TNXB: variants seen among roughly 807,000 people sequenced by gnomAD.
TNXB encodes the protein tenascin-X.
In TNXB, 183 loss-of-function variants were observed where a neutral mutation model predicts 340.5. The observed-to-expected ratio is 0.54, with a 90% CI of 0.48 to 0.61. TNXB has a LOEUF of 0.61. Ranked by LOEUF, TNXB falls within the 20% of genes least tolerant of loss-of-function variation. The pLI is 0.00. For synonymous variants in TNXB, 2,121 were observed against 2,314.5 expected, an observed-to-expected ratio of 0.92 and a Z score of 2.40; for missense variants, 4,613 against 5,446.4, an observed-to-expected ratio of 0.85 and a Z score of 4.82.
chr6:32,068,387 C>G lies in TNXB; in HGVS notation c.6220+3G>C. 1.9e-6 allele frequency: 3 copies of G among 1,612,932 alleles called. No individual in the cohort carries two copies. The highest frequency in any genetic ancestry group is 1.7e-6 in the Non-Finnish European group (2 of 1,179,188). On this transcript the variant is annotated splice_donor_region_variant and intron_variant, in intron 17 of 43. Transcript: ENST00000644971. This position sits in a 1 kb window ranked among gnomAD's most constrained non-coding sequence, Gnocchi z 5.3. Reference sequence around the variant, plus strand: ...CACCCTGGGGCTCCCATCATCCACTCACCTGTCACCCCGACGACAGACACA... The same window carrying G: ...CACCCTGGGGCTCCCATCATCCACTGACCTGTCACCCCGACGACAGACACA...
rs1437148717 is a variant in TNXB, at chr6:32,072,665, T to C, written c.4682-367A>G. On this transcript the variant is annotated intron_variant, in intron 12 of 43. Coordinates refer to ENST00000644971, the MANE Select transcript of TNXB (RefSeq NM_001365276.2). The surrounding 1 kb of genome is among the most constrained non-coding windows in gnomAD (Gnocchi z 4.4). ...GTCCAAGTATTACTAAATCGTAACTTTGGATTTTTAAGAAATATTTTGGGC... is the reference window on the plus strand; with the variant it reads ...GTCCAAGTATTACTAAATCGTAACTCTGGATTTTTAAGAAATATTTTGGGC... Among the ~76,000 whole-genome samples, 1 of 152,258 alleles carries C rather than the reference T, an allele frequency of 6.6e-6. No individual in the cohort carries two copies. The highest frequency in any genetic ancestry group is 1.9e-4 in the East Asian group (1 of 5,204).
At chr6:32,077,610 T>A (rs1299841971) in intron 11 of TNXB, among the ~76,000 whole-genome samples, 1 of 152,218 alleles carries the variant, frequency 6.6e-6, no homozygotes, top group African/African-American at 2.4e-5. Flanking sequence ...GCTGAGGCCC[T>A]GGAGAGGAGG....
chr6:32,068,485 A>G lies in TNXB; in HGVS notation c.6125T>C (p.Ile2042Thr), dbSNP rs1050442635. The G allele has an allele frequency of 6.2e-7, 1 of 1,613,874 alleles. No individual in the cohort carries two copies. Among genetic ancestry groups the G allele is most frequent in the Non-Finnish European group, 8.5e-7 (1 of 1,179,898 alleles). Reference protein sequence around the residue: ...RVPGHEEGVTISGLEPDHKYK... With the variant: ...RVPGHEEGVTTSGLEPDHKYK... ...TTTATGGTCTGGCTCCAGGCCCGAG[A>G]TGGTGACCCCTTCCTCGTGCCCTGG... The change falls in exon 17 of 44, where the codon ATC becomes ACC. Residue 2042 changes from isoleucine to threonine, a missense_variant. Coordinates refer to ENST00000644971, the MANE Select transcript of TNXB (RefSeq NM_001365276.2). This position sits in a 1 kb window ranked among gnomAD's most constrained non-coding sequence, Gnocchi z 5.3.
In TNXB at chr6:32,068,976, T is replaced by C. The variant is rs1411559201; in HGVS notation, c.5748A>G (p.Thr1916=). 5.6e-6 allele frequency: 9 copies of C among 1,612,812 alleles called. No homozygotes were observed. Among genetic ancestry groups the C allele is most frequent in the Middle Eastern group, 1.6e-4 (1 of 6,084 alleles). Residue 1916 remains threonine (T), a synonymous_variant, in exon 16 of 44, where the codon ACA becomes ACG. Coordinates refer to ENST00000644971, the MANE Select transcript of TNXB (RefSeq NM_001365276.2). The surrounding 1 kb of genome is among the most constrained non-coding windows in gnomAD (Gnocchi z 5.3). ...GEFDSFEIQY[T]DRDGQLQMVR... ...CCATTTGGAGTTGCCCGTCTCTATC[T>C]GTGTACTGGATTTCGAAGGAGTCAA...
chr6:32,104,318 A>C lies in TNXB; in HGVS notation c.-9+4863T>G, dbSNP rs1241115470. 2.6e-5 allele frequency among the ~76,000 whole-genome samples: 4 copies of C among 152,164 alleles called. No individual in the cohort carries two copies. In the East Asian group the frequency reaches 5.8e-4, roughly 22 times the overall value. Reference sequence around the variant, plus strand: ...AGTCATCTTCCTCTCGCTCCACAGCAATATATCCACCTGCCTACTTGGCAT... The same window carrying C: ...AGTCATCTTCCTCTCGCTCCACAGCCATATATCCACCTGCCTACTTGGCAT... On this transcript the variant is annotated intron_variant, in intron 1 of 43. Transcript: ENST00000644971.
chr6:32,077,392 G>A (rs557249525), intron 11 of TNXB, among the ~76,000 whole-genome samples: 17 of 152,368 alleles, frequency 1.1e-4, no homozygotes, highest in African/African-American at 2.9e-4. Context: ...GCTGAGCTTG[G>A]TGGAATTACA....
At position 32,056,737 on chromosome 6, in the gene TNXB, A is replaced by G. The variant is rs1242428292; in HGVS notation, c.7992T>C (p.Asn2664=). The part of the protein sequence containing the change: ...QFDHFLVQYR[N]GDGQPKAVRV... ...GCACCGCCTTGGGCTGCCCATCCCCATTCCTGTACTGGACCAGGAAGTGGT... is the reference window on the plus strand; with the variant it reads ...GCACCGCCTTGGGCTGCCCATCCCCGTTCCTGTACTGGACCAGGAAGTGGT... The change falls in exon 23 of 44, where the codon AAT becomes AAC. Residue 2664 remains asparagine, a synonymous_variant. Transcript: ENST00000644971. 1.9e-6 allele frequency: 3 copies of G among 1,613,172 alleles called. No individual in the cohort carries two copies. The highest frequency in any genetic ancestry group is 4.5e-5 in the East Asian group (2 of 44,866).
In TNXB at chr6:32,042,585, G is replaced by A. The variant is rs1776511840; in HGVS notation, c.12080C>T (p.Pro4027Leu). 1.9e-6 allele frequency: 3 copies of A among 1,589,054 alleles called. No individual in the cohort carries two copies. In the East Asian group the frequency reaches 6.9e-5, roughly 36 times the overall value. The change falls in exon 40 of 44, where the codon CCC becomes CTC. Residue 4027 changes from proline to leucine, a missense_variant. By Grantham distance (98) the Pro-to-Leu change is moderately conservative. Coordinates refer to ENST00000644971, the MANE Select transcript of TNXB (RefSeq NM_001365276.2). ...CTGCATCTCCTCCCCGCAGTCCCTG[G>A]GGAAGGGGATCCGCAGCCCACCTGG... ...FTTGGLRIPF[P>L]RDCGEEMQNG...
At chr6:32,106,996 C>T (rs985979504) in intron 1 of TNXB, among the ~76,000 whole-genome samples, 7 of 152,280 alleles carry the variant, frequency 4.6e-5, no homozygotes, top group African/African-American at 7.2e-5. Flanking sequence ...CACACACGTG[C>T]ACACACACCC....
At chr6:32,086,183 T>G in intron 6 of TNXB, 65 bp from the exon 7 acceptor site, 1 of 1,426,510 alleles carries the variant, frequency 7.0e-7, no homozygotes, top group Admixed American at 2.8e-5. Context: ...GAATCCCCAG[T>G]CCCCAGGTTC....
At position 32,064,505 on chromosome 6, in the gene TNXB, T is replaced by C. The variant is rs926942080; in HGVS notation, c.6841+316A>G. The stretch of plus-strand genomic sequence containing the variant: ...CTGGGATTACAGGCATGAGCCACCG[T>C]GCCCAGACAGGTTGTGTGAGTCTCT... On this transcript the variant is annotated intron_variant, in intron 19 of 43. Coordinates refer to ENST00000644971, the MANE Select transcript of TNXB (RefSeq NM_001365276.2). The surrounding 1 kb of genome is among the most constrained non-coding windows in gnomAD (Gnocchi z 5.3). Among the ~76,000 whole-genome samples, 1 of 152,144 alleles carries C rather than the reference T, an allele frequency of 6.6e-6. No homozygotes were observed. The highest frequency in any genetic ancestry group is 2.4e-5 in the African/African-American group (1 of 41,432).
chr6:32,101,708 G>A (rs1190254028), intron 1 of TNXB, among the ~76,000 whole-genome samples: 2 of 151,388 alleles, frequency 1.3e-5, no homozygotes, highest in Non-Finnish European at 2.9e-5. Flanking sequence ...TTACAGGCAT[G>A]GGCCACCACA....
chr6:32,046,605 G>T lies in TNXB; in HGVS notation c.10325-149C>A. The T allele has an allele frequency of 1.6e-6, 1 of 628,720 alleles. No homozygotes were observed. Among genetic ancestry groups the T allele is most frequent in the East Asian group, 2.8e-5 (1 of 35,752 alleles). 38.9% of individuals were successfully genotyped at this position (628,720 alleles called of 1,614,324 possible). A position where few individuals can be genotyped will look rare whatever the true frequency, so the allele number is the denominator to read the frequency against. On this transcript the variant is annotated intron_variant, in intron 30 of 43. Coordinates refer to ENST00000644971, the MANE Select transcript of TNXB (RefSeq NM_001365276.2). The surrounding 1 kb of genome is among the most constrained non-coding windows in gnomAD (Gnocchi z 6.9). ...TGAGGAGACACACAGGCCTGCTCCC[G>T]CCATGCCCCACAGGAATGAGGGAGA...
rs1469489250 is a variant in TNXB, at chr6:32,069,450, T to C, written c.5587+103A>G. On this transcript the variant is annotated intron_variant, in intron 15 of 43. Coordinates refer to ENST00000644971, the MANE Select transcript of TNXB (RefSeq NM_001365276.2). The surrounding 1 kb of genome is among the most constrained non-coding windows in gnomAD (Gnocchi z 6.2). ...GGCACAAGGAAACTTTCTGGATCAA[T>C]GGAAATGATATAAAATGGGAAGCTC... 4 of 1,352,170 alleles carry C rather than the reference T, an allele frequency of 3.0e-6. No homozygotes were observed. Among genetic ancestry groups the C allele is most frequent in the Non-Finnish European group, 3.9e-6 (4 of 1,016,506 alleles). The allele number at this position is 1,352,170 out of a possible 1,614,324, so 83.8% of individuals were successfully genotyped here.
Position 32,108,659 on chromosome 6 carries a change from C to T in TNXB, c.-9+522G>A, listed in dbSNP as rs1781096038. On this transcript the variant is annotated intron_variant, in intron 1 of 43. Transcript: ENST00000644971. This position sits in a 1 kb window ranked among gnomAD's most constrained non-coding sequence, Gnocchi z 4.8. The stretch of plus-strand genomic sequence containing the variant: ...CTCTCACGCTGCCACCTAGGGAGTC[C>T]CCATTTGGATGCCCAAAGAAGCACC... Among the ~76,000 whole-genome samples the T allele has an allele frequency of 6.6e-6, 1 of 152,082 alleles. No individual in the cohort carries two copies. The highest frequency in any genetic ancestry group is 1.5e-5 in the Non-Finnish European group (1 of 67,998).
In TNXB at chr6:32,083,025, C is replaced by T. The variant is rs546109182; in HGVS notation, c.3446-699G>A. 6.6e-6 allele frequency among the ~76,000 whole-genome samples: 1 copy of T among 152,254 alleles called. No homozygotes were observed. The highest frequency in any genetic ancestry group is 1.9e-4 in the East Asian group (1 of 5,180). On this transcript the variant is annotated intron_variant, in intron 8 of 43. Coordinates refer to ENST00000644971, the MANE Select transcript of TNXB (RefSeq NM_001365276.2). This position sits in a 1 kb window ranked among gnomAD's most constrained non-coding sequence, Gnocchi z 4.6. ...TGTCTACACTGATTGCAGCCATGTC[C>T]TCACCTCCACCACCCTCCCGATCCA...
chr6:32,048,285 G>A, intron 29 of TNXB, 78 bp downstream of exon 29: 1 of 1,404,498 alleles, frequency 7.1e-7, no homozygotes, highest in Non-Finnish European at 9.5e-7. Context: ...GGAGTGTGGG[G>A]CACAGAACGT....
chr6:32,066,304 G>A (rs1341780450), intron 18 of TNXB, among the ~76,000 whole-genome samples: 1 of 152,154 alleles, frequency 6.6e-6, no homozygotes, highest in East Asian at 1.9e-4. Flanking sequence ...TGAGATGGGA[G>A]GATGGCTTGA....
Position 32,068,133 on chromosome 6 carries a change from C to T in TNXB, c.6221-149G>A, listed in dbSNP as rs1378446846. 7.8e-7 allele frequency: 1 copy of T among 1,277,018 alleles called. No individual in the cohort carries two copies. Among genetic ancestry groups the T allele is most frequent in the Admixed American group, 2.7e-5 (1 of 36,716 alleles). The allele number at this position is 1,277,018 out of a possible 1,614,324, so 79.1% of individuals were successfully genotyped here. On this transcript the variant is annotated intron_variant, in intron 17 of 43. Coordinates refer to ENST00000644971, the MANE Select transcript of TNXB (RefSeq NM_001365276.2). The surrounding 1 kb of genome is among the most constrained non-coding windows in gnomAD (Gnocchi z 5.3). ...GGTCCTGCTCAGCTGACAGCTAACA[C>T]ACATGACAAGTTCCAGGGTCAGCTG...
Sources: gnomAD v4.1 joint callset for allele counts (sites outside exome capture counted in the v4.1 genomes callset) on GRCh38, gnomAD v4.1.1 for gene constraint, Gnocchi (gnomAD v3.1) non-coding constraint, MANE v1.5 for transcripts, NCBI Gene and HGNC (gene_info 2026-07-23, HGNC 2026-07-21) for gene names.